Variants in MED17 observed in about 807,000 individuals in gnomAD.
MED17 encodes the protein mediator complex subunit 17.
MED17 carries 49 observed loss-of-function variants against 80.8 expected under a neutral mutation model. The observed-to-expected ratio is 0.61, with a 90% CI of 0.48 to 0.77. MED17 has a LOEUF of 0.77. Among genes scored for constraint, MED17 ranks in the 30% least tolerant of loss-of-function variants. The pLI is 0.00. For synonymous variants in MED17, 281 were observed against 280.4 expected (o/e 1.00, Z -0.02); for missense variants, 718 against 787.0 (o/e 0.91, Z 1.05).
At chr11:93,796,200 C>T (rs1943899162) in intron 6 of MED17, 1 of 513,506 alleles carries the variant, frequency 1.9e-6, no homozygotes, top group African/African-American at 1.9e-5. Context: ...ATCCACCCAC[C>T]TTGGCCTCCC....
rs2135724262 is a variant in MED17 at position 93,811,938 on chromosome 11, A to G, written c.1830A>G (p.Leu610=). ...AAGACCTTCCAAAAAGTGATGTTTTACAAGATAACAAATGGAGTCATCTTC... is the reference window on the plus strand; with the variant it reads ...AAGACCTTCCAAAAAGTGATGTTTTGCAAGATAACAAATGGAGTCATCTTC... ...QCKDLPKSDV[L]QDNKWSHLRG... Residue 610 remains leucine, a synonymous_variant, in exon 12 of 12, where the codon TTA becomes TTG. Coordinates refer to ENST00000251871, the MANE Select transcript of MED17 (RefSeq NM_004268.5). The G allele has an allele frequency of 2.5e-6, 4 of 1,614,082 alleles. No homozygotes were observed. Among genetic ancestry groups the G allele is most frequent in the East Asian group, 2.2e-5 (1 of 44,860 alleles).
rs1177630277 is a variant in MED17 at position 93,813,836 on chromosome 11, G to A, written c.*1772G>A. On this transcript the variant is annotated 3_prime_UTR_variant, in exon 12 of 12. Coordinates refer to ENST00000251871, the MANE Select transcript of MED17 (RefSeq NM_004268.5). The stretch of plus-strand genomic sequence containing the variant: ...GGGTTCAAATGACTCTCATGCCTCA[G>A]CCTCCCGAGTAACTGGGATTACAGG... The A allele has an allele frequency of 6.6e-6, 1 of 152,144 alleles. No homozygotes were observed. Among genetic ancestry groups the A allele is most frequent in the Non-Finnish European group, 1.5e-5 (1 of 68,060 alleles). The allele number at this position is 152,144 out of a possible 1,614,324, so 9.4% of individuals were successfully genotyped here. A position where few individuals can be genotyped will look rare whatever the true frequency, so the allele number is the denominator to read the frequency against.
At chr11:93,809,914 G>C (rs1565295235) in intron 11 of MED17, 38 bp downstream of exon 11, 1 of 1,610,522 alleles carries the variant, frequency 6.2e-7, no homozygotes, top group Non-Finnish European at 8.5e-7. Context: ...GGACCATTGG[G>C]AGTTTGGCTT....
intron 2 of MED17, 160 bp from the exon 3 acceptor site, chr11:93,790,414 A>G (rs1267568843): frequency 2.3e-5 from 16 of 687,126 alleles, no homozygotes; most frequent in East Asian, 2.2e-4. Context: ...GAGTTGGACA[A>G]AGAAATAGGT....
chr11:93,801,487 T>C, intron 8 of MED17: 1 of 264,888 alleles, frequency 3.8e-6, no homozygotes, highest in South Asian at 4.7e-5. Context: ...ATGATTTATA[T>C]TAGGTTTATA....
In MED17 at chr11:93,790,299, A is replaced by T. The variant is rs187086364; in HGVS notation, c.418-275A>T. The stretch of plus-strand genomic sequence containing the variant: ...AATATATAAGGAGAGGAATGGCAGT[A>T]CATTAAGAGGGGACCCTAACAGGCT... On this transcript the variant is annotated intron_variant, in intron 2 of 11. Coordinates refer to ENST00000251871, the MANE Select transcript of MED17 (RefSeq NM_004268.5). The T allele has an allele frequency of 5.3e-5, 28 of 529,392 alleles. No individual in the cohort carries two copies. The East Asian group carries it at 1.2e-3, about 23-fold the overall frequency. 32.8% of individuals were successfully genotyped at this position (529,392 alleles called of 1,614,324 possible).
In MED17 at chr11:93,790,974, A is replaced by G. The variant is rs571621091; in HGVS notation, c.637+181A>G. ...ATGCAAAAAATTAGCCAGGCGTGGT[A>G]ACACGCACCTGTAATCCTAGCTACT... is the stretch of plus-strand genomic sequence containing the variant. On this transcript the variant is annotated intron_variant, in intron 3 of 11. Coordinates refer to ENST00000251871, the MANE Select transcript of MED17 (RefSeq NM_004268.5). Among the ~76,000 whole-genome samples, 62 of 152,264 alleles carry G rather than the reference A, an allele frequency of 4.1e-4. 1 individual carries two copies. The highest frequency in any genetic ancestry group is 2.3e-3 in the South Asian group (11 of 4,830).
At position 93,794,952 on chromosome 11, in the gene MED17, C is replaced by G; in HGVS notation, c.904C>G (p.Leu302Val). 4 of 1,614,142 alleles carry G rather than the reference C, an allele frequency of 2.5e-6. No homozygotes were observed. The highest frequency in any genetic ancestry group is 2.2e-5 in the East Asian group (1 of 44,878). Residue 302 changes from leucine (L) to valine (V), a missense_variant, in exon 6 of 12, where the codon CTC (leucine) becomes GTC (valine). By Grantham distance (32) the Leu-to-Val change is conservative (BLOSUM62 1). Coordinates refer to ENST00000251871, the MANE Select transcript of MED17 (RefSeq NM_004268.5). The part of the protein sequence containing the change: ...QTKLEAAQNV[L>V]LCKEIFAQLS... Reference sequence around the variant, plus strand: ...AAAATTAGAAGCGGCACAGAATGTTCTCTTATGTAAAGAAATTTTTGCACA... The same window carrying G: ...AAAATTAGAAGCGGCACAGAATGTTGTCTTATGTAAAGAAATTTTTGCACA...
chr11:93,787,541 G>A (rs1943783437), intron 1 of MED17, among the ~76,000 whole-genome samples: 1 of 152,130 alleles, frequency 6.6e-6, no homozygotes, highest in Admixed American at 6.5e-5. Flanking sequence ...TCTTTATTGT[G>A]TGAACTCTAT....
rs775851663 is a variant in MED17 at position 93,784,600 on chromosome 11, G to T, written c.87G>T (p.Thr29=). The change falls in exon 1 of 12, where the codon ACG becomes ACT. Residue 29 remains threonine (T), a synonymous_variant. Coordinates refer to ENST00000251871, the MANE Select transcript of MED17 (RefSeq NM_004268.5). The stretch of plus-strand genomic sequence containing the variant: ...AGGTGGGCCTGGATGGCACCGAGAC[G>T]TACCTGCCCCCGCTGTCCATGTCGC... ...VHEVGLDGTE[T]YLPPLSMSQN... is the part of the protein sequence containing the mutation. 1 of 1,606,370 alleles carries T rather than the reference G, an allele frequency of 6.2e-7. No individual in the cohort carries two copies. Among genetic ancestry groups the T allele is most frequent in the Non-Finnish European group, 8.5e-7 (1 of 1,177,538 alleles).
intron 2 of MED17, chr11:93,789,657 G>T (rs1943810254): frequency 1.3e-5 from 2 of 152,042 alleles, no homozygotes; most frequent in Admixed American, 1.3e-4. Context: ...AAAAAATTAG[G>T]ATTCAGTGAA....
intron 9 of MED17, among the ~76,000 whole-genome samples, chr11:93,804,076 T>G (rs1422870739): frequency 1.3e-5 from 2 of 149,866 alleles, no homozygotes; most frequent in African/African-American, 2.5e-5. Context: ...GGGGAGTTTA[T>G]TAAGTATTAA....
chr11:93,811,980 A>C lies in MED17; in HGVS notation c.1872A>C (p.Glu624Asp). The change falls in exon 12 of 12, where the codon GAA becomes GAC. Residue 624 changes from glutamate to aspartate, a missense_variant. Coordinates refer to ENST00000251871, the MANE Select transcript of MED17 (RefSeq NM_004268.5). ...KWSHLRGPFKEVQWNKMEGRN... is the reference protein window; with the variant it reads ...KWSHLRGPFKDVQWNKMEGRN... ...GTCATCTTCGTGGGCCATTCAAAGA[A>C]GTTCAGTGGAATAAAATGGAAGGTC... 6.2e-7 allele frequency: 1 copy of C among 1,614,122 alleles called. No homozygotes were observed. The highest frequency in any genetic ancestry group is 8.5e-7 in the Non-Finnish European group (1 of 1,180,008).
chr11:93,796,116 A>AT (rs1378617407), intron 6 of MED17: 18 of 356,806 alleles, frequency 5.0e-5, no homozygotes, highest in South Asian at 9.1e-5. Context: ...TGCCCAGCTA[A>AT]TTTTTTTTGT....
chr11:93,808,877 A>G (rs1944057743), intron 10 of MED17: 1 of 152,534 alleles, frequency 6.6e-6, no homozygotes, highest in African/African-American at 2.4e-5. Context: ...CCATGGCCAG[A>G]GGAATGGCAC....
At chr11:93,799,468 G>T (rs1446522617) in intron 8 of MED17, among the ~76,000 whole-genome samples, 2 of 152,200 alleles carry the variant, frequency 1.3e-5, no homozygotes, top group Non-Finnish European at 2.9e-5. Flanking sequence ...GGGCCACCGT[G>T]CCTGGCCAGG....
intron 6 of MED17, chr11:93,795,684 T>G (rs1943892121): frequency 6.5e-6 from 1 of 153,534 alleles, no homozygotes; most frequent in Non-Finnish European, 1.4e-5. Flanking sequence ...TTGCACTTGT[T>G]TTTTACATAA....
chr11:93,790,828 C>A, intron 3 of MED17, 35 bp downstream of exon 3: 1 of 1,575,624 alleles, frequency 6.3e-7, no homozygotes, highest in Non-Finnish European at 8.7e-7. Flanking sequence ...ACTTTCTGGC[C>A]AGGTGTGGTG....
chr11:93,805,838 C>T (rs1441497331), intron 9 of MED17, among the ~76,000 whole-genome samples: 1 of 152,092 alleles, frequency 6.6e-6, no homozygotes, highest in South Asian at 2.1e-4. Flanking sequence ...GTTGCACACA[C>T]CTGAAGTCCC....
Sources: allele counts gnomAD v4.1 joint callset (sites outside exome capture counted in the v4.1 genomes callset), GRCh38; gene constraint gnomAD v4.1.1; transcripts MANE v1.5; gene names NCBI Gene and HGNC (gene_info 2026-07-23, HGNC 2026-07-21).